Variants in TSGA10 observed in about 807,000 individuals in gnomAD.
TSGA10 encodes testis specific 10.
Under a neutral mutation model 96.6 loss-of-function variants are expected in TSGA10, and 43 were observed. The ratio of observed to expected loss-of-function variants is 0.44; its 90% CI spans 0.35 to 0.57. The LOEUF is 0.57. Ranked by LOEUF, TSGA10 falls within the 20% of genes least tolerant of loss-of-function variation. The probability of loss-of-function intolerance (pLI) is 0.01; values close to 1 mark genes in which losing one functional copy is unlikely to be tolerated. For synonymous variants in TSGA10, 229 were observed against 269.9 expected, an observed-to-expected ratio of 0.85 and a Z score of 1.48; for missense variants, 703 against 834.4, an observed-to-expected ratio of 0.84 and a Z score of 1.94.
rs189976266 is a variant in TSGA10 at position 99,123,837 on chromosome 2, T to C, written c.-492+3211A>G. Reference sequence around the variant, plus strand: ...GTCATTCCTTTTTGAATCTGAGTTATATTCCATTGTAAGCACATGCCATAT... The same window carrying C: ...GTCATTCCTTTTTGAATCTGAGTTACATTCCATTGTAAGCACATGCCATAT... On this transcript the variant is annotated intron_variant, in intron 2 of 20. Transcript: ENST00000393483. 2.6e-5 allele frequency among the ~76,000 whole-genome samples: 4 copies of C among 152,380 alleles called. No homozygotes were observed. The East Asian group carries it at 7.7e-4, about 29-fold the overall frequency.
At chr2:99,085,255 T>G (rs995929087) in intron 10 of TSGA10, among the ~76,000 whole-genome samples, 3 of 151,056 alleles carry the variant, frequency 2.0e-5, no homozygotes, top group Non-Finnish European at 2.9e-5. Context: ...TCAAAATTAA[T>G]TAATTAATTA....
intron 20 of TSGA10, among the ~76,000 whole-genome samples, chr2:99,003,871 T>C (rs997610918): frequency 1.3e-5 from 2 of 152,136 alleles, no homozygotes; most frequent in African/African-American, 4.8e-5. Context: ...ATCGACACTT[T>C]AACATCACAA....
chr2:99,047,093 T>G (rs901933672), intron 16 of TSGA10, among the ~76,000 whole-genome samples: 1 of 151,816 alleles, frequency 6.6e-6, no homozygotes, highest in Non-Finnish European at 1.5e-5. Context: ...AGCTTACCAA[T>G]CAAAAAAAGT....
At chr2:99,149,026 C>G (rs2093660861) in intron 1 of TSGA10, among the ~76,000 whole-genome samples, 1 of 152,092 alleles carries the variant, frequency 6.6e-6, no homozygotes, top group African/African-American at 2.4e-5. Context: ...CAAACATTAG[C>G]TGGGCCTGGT....
At chr2:99,135,887 T>C (rs1045241718) in intron 1 of TSGA10, among the ~76,000 whole-genome samples, 20 of 151,852 alleles carry the variant, frequency 1.3e-4, no homozygotes, top group African/African-American at 4.8e-4. Flanking sequence ...CAGGCACCTA[T>C]AATCCCAGCT....
intron 20 of TSGA10, among the ~76,000 whole-genome samples, chr2:99,001,842 C>T (rs1558679710): frequency 6.6e-6 from 1 of 152,112 alleles, no homozygotes; most frequent in Non-Finnish European, 1.5e-5. Flanking sequence ...GACGCATGCA[C>T]AAGCTTCAGT....
At chr2:99,014,801 A>C (rs998669029) in intron 20 of TSGA10, among the ~76,000 whole-genome samples, 11 of 152,192 alleles carry the variant, frequency 7.2e-5, no homozygotes, top group African/African-American at 2.7e-4. Context: ...GAAATGAAAC[A>C]GGAGATATTA....
At chr2:99,075,990 A>ATC (rs2104551962) in intron 12 of TSGA10, among the ~76,000 whole-genome samples, 1 of 152,314 alleles carries the variant, frequency 6.6e-6, no homozygotes, top group African/African-American at 2.4e-5. Flanking sequence ...AGTATTTACC[A>ATC]TCTCATGCCC....
intron 16 of TSGA10, among the ~76,000 whole-genome samples, chr2:99,043,210 G>T (rs1163173924): frequency 1.3e-5 from 2 of 152,012 alleles, no homozygotes; most frequent in East Asian, 3.8e-4. Context: ...GAACAAAATG[G>T]AATGTCTGAA....
At chr2:99,112,051 A>G (rs1036768546) in intron 4 of TSGA10, among the ~76,000 whole-genome samples, 3 of 152,172 alleles carry the variant, frequency 2.0e-5, no homozygotes, top group African/African-American at 7.2e-5. Flanking sequence ...TTTGTATAAT[A>G]AATATGCATT....
chr2:99,141,241 G>A lies in TSGA10; in HGVS notation c.-621+13452C>T, dbSNP rs1021307011. On this transcript the variant is annotated intron_variant, in intron 1 of 20. Coordinates refer to ENST00000393483, the MANE Select transcript of TSGA10 (RefSeq NM_025244.4). ...CCCTTCCCACCCCCAAATCGTCCTG[G>A]CCCCGCCCCGGCGGATCGGAGGAAG... is the stretch of plus-strand genomic sequence containing the variant. 618 of 951,846 alleles carry A rather than the reference G, an allele frequency of 6.5e-4. 1 individual carries two copies. The highest frequency in any genetic ancestry group is 8.0e-4 in the Non-Finnish European group (597 of 748,396). 59.0% of individuals were successfully genotyped at this position (951,846 alleles called of 1,614,324 possible).
At chr2:99,003,115 C>T (rs538502984) in intron 20 of TSGA10, among the ~76,000 whole-genome samples, 1 of 152,264 alleles carries the variant, frequency 6.6e-6, no homozygotes, top group South Asian at 2.1e-4. Context: ...CCTCGGCCTC[C>T]CAAAGTGCTG....
intron 1 of TSGA10, among the ~76,000 whole-genome samples, chr2:99,147,693 C>T (rs2093646678): frequency 6.6e-6 from 1 of 152,138 alleles, no homozygotes; most frequent in Admixed American, 6.5e-5. Flanking sequence ...TTTAAACCTA[C>T]AGAAATGTAA....
chr2:99,127,281 T>C, intron 1 of TSGA10, 105 bp from the exon 2 acceptor site: 1 of 970,276 alleles, frequency 1.0e-6, no homozygotes, highest in Non-Finnish European at 1.3e-6. Context: ...TTAGATTTTT[T>C]TTAACCATTT....
At chr2:99,098,451 AAAAAG>A (rs978448451) in intron 10 of TSGA10, among the ~76,000 whole-genome samples, 3 of 128,624 alleles carry the variant, frequency 2.3e-5, no homozygotes, top group Admixed American at 8.8e-5. Flanking sequence ...AAAAAAAAAA[AAAAAG>A]AAAAGAAAAG....
At chr2:99,133,074 G>C (rs1472936822) in intron 1 of TSGA10, among the ~76,000 whole-genome samples, 1 of 152,146 alleles carries the variant, frequency 6.6e-6, no homozygotes, top group Non-Finnish European at 1.5e-5. Context: ...TGTTGAGTTG[G>C]GGAAGAGAGT....
At chr2:99,028,711 CT>C (rs1439099741) in intron 17 of TSGA10, among the ~76,000 whole-genome samples, 1 of 151,958 alleles carries the variant, frequency 6.6e-6, no homozygotes. Flanking sequence ...GAGGCTTGCT[CT>C]GATCCCAGAA....
chr2:99,135,624 G>A (rs1466926797), intron 1 of TSGA10, among the ~76,000 whole-genome samples: 2 of 152,150 alleles, frequency 1.3e-5, no homozygotes, highest in Non-Finnish European at 2.9e-5. Flanking sequence ...CATTATCCTA[G>A]TTCTGCCACA....
At chr2:99,074,351 C>CGTGTGTGTGTGT (rs147220063) in intron 12 of TSGA10, among the ~76,000 whole-genome samples, 9,147 of 145,002 alleles carry the variant, frequency 0.063, 597 homozygotes, top group African/African-American at 0.16. Context: ...CACATATTTG[C>CGTGTGTGTGTGT]GTGTGTGTGT....
Sources: allele counts gnomAD v4.1 joint callset (sites outside exome capture counted in the v4.1 genomes callset), GRCh38; gene constraint gnomAD v4.1.1; transcripts MANE v1.5; gene names NCBI Gene and HGNC (gene_info 2026-07-23, HGNC 2026-07-21).